Variants in PARD3 observed in about 807,000 individuals in gnomAD.
The protein encoded by PARD3 is partitioning defective 3 homolog.
A neutral mutation model predicts 155.4 loss-of-function variants in PARD3; 75 were observed. That is an observed-to-expected ratio of 0.48 (90% CI 0.40 to 0.58). The LOEUF is 0.58. Ranked by LOEUF, PARD3 falls within the 20% of genes least tolerant of loss-of-function variation. The probability of loss-of-function intolerance (pLI) is 0.00; values close to 1 mark genes in which losing one functional copy is unlikely to be tolerated. For synonymous variants in PARD3, 576 were observed against 610.5 expected (o/e 0.94, Z 0.83); for missense variants, 1,642 against 1,721.7 (o/e 0.95, Z 0.82).
chr10:34,121,439 G>A (rs1327170654), intron 23 of PARD3, among the ~76,000 whole-genome samples: 1 of 152,182 alleles, frequency 6.6e-6, no homozygotes, highest in African/African-American at 2.4e-5. Flanking sequence ...AGGAATGTCT[G>A]TTTGAAACAA....
chr10:34,435,489 C>T (rs2076143303), intron 5 of PARD3, among the ~76,000 whole-genome samples: 1 of 152,120 alleles, frequency 6.6e-6, no homozygotes, highest in African/African-American at 2.4e-5. Context: ...TACAAATTGC[C>T]AACAACCTTT....
In PARD3 at chr10:34,503,354, A is replaced by G. The variant is rs571617452; in HGVS notation, c.403+13625T>C. Reference sequence around the variant, plus strand: ...CAGTTCACTAAAATGCCCTTTGCTTACACTTTTTCCATATTATGGTTGGGC... The same window carrying G: ...CAGTTCACTAAAATGCCCTTTGCTTGCACTTTTTCCATATTATGGTTGGGC... On this transcript the variant is annotated intron_variant, in intron 3 of 24. Transcript: ENST00000374788. 3.2e-4 allele frequency among the ~76,000 whole-genome samples: 48 copies of G among 152,314 alleles called. No homozygotes were observed. The South Asian group carries it at 9.1e-3, about 29-fold the overall frequency.
chr10:34,597,566 CCA>C (rs2089400607), intron 2 of PARD3, among the ~76,000 whole-genome samples: 1 of 152,066 alleles, frequency 6.6e-6, no homozygotes, highest in African/African-American at 2.4e-5. Flanking sequence ...GTAGCTGGGA[CCA>C]CAGGCGTAAG....
intron 22 of PARD3, among the ~76,000 whole-genome samples, chr10:34,180,658 C>T (rs1225992828): frequency 2.6e-5 from 4 of 152,088 alleles, no homozygotes; most frequent in African/African-American, 9.7e-5. Flanking sequence ...CCATTAATTC[C>T]TACAACTTGG....
rs548869149 is a variant in PARD3 at position 34,682,859 on chromosome 10, G to C, written c.222+13459C>G. Among the ~76,000 whole-genome samples the C allele has an allele frequency of 1.3e-4, 20 of 152,306 alleles. No homozygotes were observed. In the South Asian group the frequency reaches 4.1e-3, roughly 32 times the overall value. On this transcript the variant is annotated intron_variant, in intron 2 of 24. Coordinates refer to ENST00000374788, the MANE Select transcript of PARD3 (RefSeq NM_001184785.2). ...CACTCCAGCCTCGGTGACAGAGCAA[G>C]GGCCTGTCTCGAAGAAAAACAAAAC...
At position 34,561,121 on chromosome 10, in the gene PARD3, C is replaced by A. The variant is rs80064822; in HGVS notation, c.223-43962G>T. ...CCCAGGAAATATTATTCTGAATACT[C>A]CAAACGTGTGATGCAAATTATACCG... On this transcript the variant is annotated intron_variant, in intron 2 of 24. Transcript: ENST00000374788. 1.0e-3 allele frequency among the ~76,000 whole-genome samples: 152 copies of A among 152,226 alleles called. 1 individual carries two copies. In the East Asian group the frequency reaches 0.026, roughly 26 times the overall value.
intron 1 of PARD3, among the ~76,000 whole-genome samples, chr10:34,735,617 C>T (rs1357660492): frequency 6.6e-6 from 1 of 152,154 alleles, no homozygotes; most frequent in African/African-American, 2.4e-5. Context: ...GGCTAACCTA[C>T]CCACATGGGC....
intron 3 of PARD3, among the ~76,000 whole-genome samples, chr10:34,474,911 C>A (rs1217104932): frequency 1.3e-5 from 2 of 152,014 alleles, no homozygotes; most frequent in Non-Finnish European, 2.9e-5. Flanking sequence ...GTTACATTAG[C>A]CATAAACATA....
chr10:34,321,968 C>A (rs529923922), intron 19 of PARD3, among the ~76,000 whole-genome samples: 3 of 152,152 alleles, frequency 2.0e-5, no homozygotes, highest in African/African-American at 2.4e-5. Context: ...ATTTCCCCCC[C>A]CCATTGAGAA....
At chr10:34,345,935 T>C in intron 15 of PARD3, 1 of 984,696 alleles carries the variant, frequency 1.0e-6, no homozygotes. Context: ...TATATACTTG[T>C]CAGGGTAAAA....
intron 4 of PARD3, among the ~76,000 whole-genome samples, chr10:34,459,243 T>G (rs1434525198): frequency 6.6e-6 from 1 of 152,202 alleles, no homozygotes; most frequent in Non-Finnish European, 1.5e-5. Context: ...CTCGGCTCAC[T>G]GCAAGCACCG....
intron 7 of PARD3, among the ~76,000 whole-genome samples, chr10:34,386,841 T>TAAGA (rs920754933): frequency 2.0e-5 from 3 of 151,758 alleles, no homozygotes; most frequent in Non-Finnish European, 4.4e-5. Context: ...AAAGAATTAT[T>TAAGA]AAGATATATC....
At chr10:34,551,631 C>A (rs1005615675) in intron 2 of PARD3, among the ~76,000 whole-genome samples, 3 of 152,122 alleles carry the variant, frequency 2.0e-5, no homozygotes, top group Non-Finnish European at 2.9e-5. Context: ...CAGGCAGGGG[C>A]AATAACGGGG....
At chr10:34,451,056 C>T (rs189451876) in intron 4 of PARD3, among the ~76,000 whole-genome samples, 277 of 152,210 alleles carry the variant, frequency 1.8e-3, no homozygotes, top group African/African-American at 6.1e-3. Context: ...ATAACAGATA[C>T]GTAATTGTTC....
chr10:34,808,749 G>A lies in PARD3; in HGVS notation c.120+6127C>T, dbSNP rs142037225. ...ACCTCCCAGGACAGACGGAGGATCC[G>A]TCTGTGGGTTTGCATCCAAGTGGGA... On this transcript the variant is annotated intron_variant, in intron 1 of 24. Transcript: ENST00000374788. 1.0e-3 allele frequency among the ~76,000 whole-genome samples: 153 copies of A among 152,294 alleles called. 1 individual carries two copies. The highest frequency in any genetic ancestry group is 3.5e-3 in the African/African-American group (145 of 41,552).
intron 1 of PARD3, among the ~76,000 whole-genome samples, chr10:34,759,378 CTT>C (rs1006053103): frequency 6.6e-6 from 1 of 152,112 alleles, no homozygotes; most frequent in African/African-American, 2.4e-5. Flanking sequence ...ACACTGTGCT[CTT>C]GAGAACTGTT....
intron 22 of PARD3, among the ~76,000 whole-genome samples, chr10:34,195,344 A>G (rs1950889382): frequency 6.6e-6 from 1 of 152,296 alleles, no homozygotes; most frequent in South Asian, 2.1e-4. Context: ...TTTGTTGTTC[A>G]AGTAGTGCCT....
At position 34,541,489 on chromosome 10, in the gene PARD3, C is replaced by A. The variant is rs566291667; in HGVS notation, c.223-24330G>T. 2.6e-5 allele frequency among the ~76,000 whole-genome samples: 4 copies of A among 152,288 alleles called. No individual in the cohort carries two copies. In the East Asian group the frequency reaches 7.7e-4, roughly 29 times the overall value. ...TCTGAATTCATAGGCAGCCTTCCATCTCAACCTTGTACAAAACCCTGAAGC... is the reference window on the plus strand; with the variant it reads ...TCTGAATTCATAGGCAGCCTTCCATATCAACCTTGTACAAAACCCTGAAGC... On this transcript the variant is annotated intron_variant, in intron 2 of 24. Coordinates refer to ENST00000374788, the MANE Select transcript of PARD3 (RefSeq NM_001184785.2).
rs1953587472 is a variant in PARD3 at position 34,241,423 on chromosome 10, GGT to G, written c.3419+28232_3419+28233del. ...AGGGGAGGGTGGTGGGAGACCCGGT[GGT>G]CCTGGCGGGCCTCAGCAGCGGGAGG... On this transcript the variant is annotated intron_variant, in intron 22 of 24. Coordinates refer to ENST00000374788, the MANE Select transcript of PARD3 (RefSeq NM_001184785.2). 6.6e-5 allele frequency among the ~76,000 whole-genome samples: 10 copies of G among 152,326 alleles called. No individual in the cohort carries two copies. In the South Asian group the frequency reaches 1.9e-3, roughly 28 times the overall value.
Sources: gnomAD v4.1 joint callset for allele counts (sites outside exome capture counted in the v4.1 genomes callset) on GRCh38, gnomAD v4.1.1 for gene constraint, MANE v1.5 for transcripts, NCBI Gene and HGNC (gene_info 2026-07-23, HGNC 2026-07-21) for gene names.